The following RALGAPA2 variants were observed in gnomAD, a reference collection of about 807,000 sequenced individuals.
RALGAPA2 encodes the protein Ral GTPase activating protein catalytic subunit alpha 2, also known as ral GTPase-activating protein subunit alpha-2.
Under a neutral mutation model 230.4 loss-of-function variants are expected in RALGAPA2, and 139 were observed. The observed-to-expected ratio is 0.60, with a 90% CI of 0.53 to 0.69. RALGAPA2 has a LOEUF of 0.69. Among genes scored for constraint, RALGAPA2 ranks in the 30% least tolerant of loss-of-function variants. The pLI is 0.00. For synonymous variants in RALGAPA2, 847 were observed against 837.8 expected (o/e 1.01, Z -0.19); for missense variants, 2,163 against 2,276.0 (o/e 0.95, Z 1.01).
chr20:20,550,041 T>C (rs913939089), intron 23 of RALGAPA2, among the ~76,000 whole-genome samples: 2 of 152,156 alleles, frequency 1.3e-5, no homozygotes, highest in Non-Finnish European at 2.9e-5. Context: ...TTTGGTCAGA[T>C]GAGTAAGTTC....
At chr20:20,400,476 T>G (rs1366858373) in intron 38 of RALGAPA2, among the ~76,000 whole-genome samples, 6 of 152,150 alleles carry the variant, frequency 3.9e-5, no homozygotes, top group Non-Finnish European at 5.9e-5. Context: ...AAAAAAAATT[T>G]TCCTGGCATT....
intron 11 of RALGAPA2, 103 bp from the exon 12 acceptor site, chr20:20,619,517 T>G (rs1250501113): frequency 1.1e-6 from 1 of 939,268 alleles, no homozygotes; most frequent in African/African-American, 1.7e-5. Flanking sequence ...AAGTTATATT[T>G]AGTTGGCATA....
At chr20:20,698,596 T>G (rs2069218675) in intron 1 of RALGAPA2, among the ~76,000 whole-genome samples, 1 of 152,150 alleles carries the variant, frequency 6.6e-6, no homozygotes, top group African/African-American at 2.4e-5. Context: ...TTTTTAGTTT[T>G]ACCATGTTGG....
chr20:20,642,613 A>G (rs35255997), intron 5 of RALGAPA2, among the ~76,000 whole-genome samples: 2,510 of 152,320 alleles, frequency 0.016, 24 homozygotes, highest in Non-Finnish European at 0.027. Flanking sequence ...ACTGTATTTA[A>G]GAGAACTAAA....
intron 1 of RALGAPA2, among the ~76,000 whole-genome samples, chr20:20,707,732 T>C (rs1345063296): frequency 6.6e-6 from 1 of 152,126 alleles, no homozygotes; most frequent in African/African-American, 2.4e-5. Flanking sequence ...GTCTGGCTTC[T>C]GATCCCCCAG....
intron 1 of RALGAPA2, among the ~76,000 whole-genome samples, chr20:20,698,629 A>T (rs2069219541): frequency 6.6e-6 from 1 of 152,034 alleles, no homozygotes; most frequent in Non-Finnish European, 1.5e-5. Context: ...CAAACTCCTG[A>T]CCTCAGGTGA....
chr20:20,513,705 T>C (rs2062786830), intron 31 of RALGAPA2, among the ~76,000 whole-genome samples: 1 of 152,092 alleles, frequency 6.6e-6, no homozygotes, highest in Admixed American at 6.6e-5. Flanking sequence ...GGGGAGAGAC[T>C]TGGAGGTGCT....
At position 20,503,974 on chromosome 20, in the gene RALGAPA2, C is replaced by T. The variant is rs2062454842; in HGVS notation, c.5053-468G>A. On this transcript the variant is annotated intron_variant, in intron 34 of 39. Transcript: ENST00000202677. ...ACTGCCTTTCAAAAGGGTTGAACAACCACTTTACACCACTGCCGAAAGTTT... is the reference window on the plus strand; with the variant it reads ...ACTGCCTTTCAAAAGGGTTGAACAATCACTTTACACCACTGCCGAAAGTTT... 4.6e-5 allele frequency among the ~76,000 whole-genome samples: 7 copies of T among 151,824 alleles called. 1 individual carries two copies. Among genetic ancestry groups the T allele is most frequent in the Admixed American group, 4.6e-4 (7 of 15,282 alleles).
At chr20:20,439,029 T>C (rs1287924264) in intron 37 of RALGAPA2, among the ~76,000 whole-genome samples, 1 of 152,182 alleles carries the variant, frequency 6.6e-6, no homozygotes, top group Non-Finnish European at 1.5e-5. Context: ...GGCCCTGTAC[T>C]AATTACTTTT....
chr20:20,703,136 G>C (rs1452670715), intron 1 of RALGAPA2, among the ~76,000 whole-genome samples: 1 of 151,326 alleles, frequency 6.6e-6, no homozygotes, highest in Non-Finnish European at 1.5e-5. Flanking sequence ...TTGCACCACT[G>C]AACTCCAGCC....
rs536971884 is a variant in RALGAPA2, at chr20:20,619,165, T to C, written c.1539+112A>G. ...TTGCTGTTTATCGTTTACTGACAGA[T>C]GGCTACAAATACCACCATACTTTAT... On this transcript the variant is annotated intron_variant, in intron 12 of 39. Coordinates refer to ENST00000202677, the MANE Select transcript of RALGAPA2 (RefSeq NM_020343.4). 4 of 1,076,806 alleles carry C rather than the reference T, an allele frequency of 3.7e-6. No individual in the cohort carries two copies. In the East Asian group the frequency reaches 1.2e-4, roughly 33 times the overall value. The allele number at this position is 1,076,806 out of a possible 1,614,324, so 66.7% of individuals were successfully genotyped here.
intron 4 of RALGAPA2, among the ~76,000 whole-genome samples, chr20:20,649,708 G>A (rs1377202383): frequency 6.6e-6 from 1 of 152,166 alleles, no homozygotes; most frequent in Non-Finnish European, 1.5e-5. Flanking sequence ...ACTGTACACT[G>A]AATGAGACAG....
chr20:20,571,297 A>C (rs1402662015), intron 23 of RALGAPA2, among the ~76,000 whole-genome samples, 161 bp downstream of exon 23: 1 of 152,258 alleles, frequency 6.6e-6, no homozygotes, highest in African/African-American at 2.4e-5. Flanking sequence ...AACCTGATTT[A>C]CATTTTTGAA....
chr20:20,571,746 C>G, intron 22 of RALGAPA2, 102 bp downstream of exon 22: 1 of 1,456,152 alleles, frequency 6.9e-7, no homozygotes, highest in Non-Finnish European at 9.4e-7. Flanking sequence ...TAAGACCCAG[C>G]CTGTCTTCAA....
At chr20:20,397,722 G>A (rs2059747365) in intron 38 of RALGAPA2, among the ~76,000 whole-genome samples, 1 of 152,250 alleles carries the variant, frequency 6.6e-6, no homozygotes, top group Non-Finnish European at 1.5e-5. Context: ...GGTGGCTCCA[G>A]CAGCCATCAG....
chr20:20,588,649 A>G lies in RALGAPA2; in HGVS notation c.2439+619T>C, dbSNP rs548186652. ...TGCCCTTTTTAAAAATAAAGAAAAA[A>G]GAAACATAACATGGGTTATTGTCCA... On this transcript the variant is annotated intron_variant, in intron 18 of 39. Transcript: ENST00000202677. Among the ~76,000 whole-genome samples the G allele has an allele frequency of 6.5e-4, 99 of 152,316 alleles. 4 individuals are homozygous for G. The South Asian group carries it at 0.021, about 32-fold the overall frequency.
At chr20:20,599,850 G>A (rs2065579244) in intron 16 of RALGAPA2, among the ~76,000 whole-genome samples, 1 of 152,068 alleles carries the variant, frequency 6.6e-6, no homozygotes, top group Non-Finnish European at 1.5e-5. Flanking sequence ...GTGCATGCCT[G>A]TAATCCCAGC....
chr20:20,666,914 G>T lies in RALGAPA2; in HGVS notation c.270+9322C>A, dbSNP rs192902250. 3.9e-5 allele frequency among the ~76,000 whole-genome samples: 6 copies of T among 152,038 alleles called. No individual in the cohort carries two copies. In the East Asian group the frequency reaches 9.7e-4, roughly 24 times the overall value. ...CAAAAGAAGAGGAGGAGGCAGGGGT[G>T]GGGGGAGGAAAAGAGGAGGAGGAGA... On this transcript the variant is annotated intron_variant, in intron 3 of 39. Transcript: ENST00000202677.
At chr20:20,585,076 G>T in intron 18 of RALGAPA2, 121 bp from the exon 19 acceptor site, 1 of 543,718 alleles carries the variant, frequency 1.8e-6, no homozygotes, top group East Asian at 3.1e-5. Flanking sequence ...TAAATAAATT[G>T]ATGTTTTCCA....
Sources: gnomAD v4.1 joint callset for allele counts (sites outside exome capture counted in the v4.1 genomes callset) on GRCh38, gnomAD v4.1.1 for gene constraint, MANE v1.5 for transcripts, NCBI Gene and HGNC (gene_info 2026-07-23, HGNC 2026-07-21) for gene names.